The following DIP2C variants were observed in gnomAD, a reference collection of about 807,000 sequenced individuals.
The protein encoded by DIP2C is DIP2 acetate--CoA ligase C (putative).
Under a neutral mutation model 192.4 loss-of-function variants are expected in DIP2C, and 33 were observed. The observed-to-expected ratio is 0.17, with a 90% CI of 0.13 to 0.23. DIP2C has a LOEUF of 0.23. DIP2C is among the 10% of genes least tolerant of loss of function. The pLI, the probability that DIP2C is intolerant of heterozygous loss-of-function variation, is 1.00. For synonymous variants in DIP2C, 979 were observed against 864.1 expected (o/e 1.13, Z -2.33); for missense variants, 1,537 against 2,110.1 (o/e 0.73, Z 5.32).
intron 32 of DIP2C, 122 bp downstream of exon 32, chr10:309,909 C>G: frequency 3.2e-6 from 3 of 945,198 alleles, no homozygotes; most frequent in Non-Finnish European, 3.2e-6. Context: ...ACTCATGAGA[C>G]AGTTACACTC....
intron 1 of DIP2C, among the ~76,000 whole-genome samples, chr10:510,539 C>T (rs1270010800): frequency 2.0e-5 from 3 of 152,384 alleles, no homozygotes; most frequent in East Asian, 1.9e-4. Context: ...CCGTGCCAGG[C>T]AGGCCTGGGC....
intron 2 of DIP2C, 102 bp from the exon 3 acceptor site, chr10:472,651 T>C: frequency 9.5e-7 from 1 of 1,049,564 alleles, no homozygotes; most frequent in Non-Finnish European, 1.4e-6. Flanking sequence ...AAGCCAGAGC[T>C]ACCCACGGGA....
chr10:636,505 C>T lies in DIP2C; in HGVS notation c.85+52989G>A, dbSNP rs1357571875. 1.3e-5 allele frequency among the ~76,000 whole-genome samples: 2 copies of T among 152,140 alleles called. No homozygotes were observed. Among genetic ancestry groups the T allele is most frequent in the Admixed American group, 6.5e-5 (1 of 15,278 alleles). ...CAGGCTCCTGCCACCTCGCCGAGTC[C>T]TCACGCACGCGTTCCCTAAGAATAA... is the stretch of plus-strand genomic sequence containing the variant. On this transcript the variant is annotated intron_variant, in intron 1 of 36. Transcript: ENST00000280886. The surrounding 1 kb of genome is among the most constrained non-coding windows in gnomAD (Gnocchi z 4.6).
intron 1 of DIP2C, among the ~76,000 whole-genome samples, chr10:552,884 C>T (rs1462694814): frequency 1.3e-5 from 2 of 152,244 alleles, no homozygotes; most frequent in African/African-American, 4.8e-5. Context: ...TCTGCCCTGG[C>T]TCCCGCCATC....
intron 17 of DIP2C, among the ~76,000 whole-genome samples, chr10:378,361 A>G (rs61836785): frequency 0.051 from 7,796 of 152,334 alleles, 288 homozygotes; most frequent in African/African-American, 0.1. Flanking sequence ...ATGAAGGCAC[A>G]CACATCAACA....
At chr10:592,741 T>C (rs79596507) in intron 1 of DIP2C, among the ~76,000 whole-genome samples, 4 of 152,142 alleles carry the variant, frequency 2.6e-5, no homozygotes, top group Non-Finnish European at 4.4e-5. Flanking sequence ...GTGAAATTTT[T>C]CCCAACTGTT....
At chr10:584,931 C>G (rs12253318) in intron 1 of DIP2C, among the ~76,000 whole-genome samples, 1 of 127,744 alleles carries the variant, frequency 7.8e-6, no homozygotes, top group East Asian at 2.7e-4. Flanking sequence ...CCCCCACTCA[C>G]GCGCATCACC....
intron 6 of DIP2C, among the ~76,000 whole-genome samples, chr10:418,527 G>C (rs1471117505): frequency 1.3e-5 from 2 of 152,214 alleles, no homozygotes; most frequent in Non-Finnish European, 2.9e-5. Context: ...AGCCGCTGTA[G>C]TCAGAATATA....
intron 4 of DIP2C, among the ~76,000 whole-genome samples, chr10:436,704 A>C (rs1360315053): frequency 7.9e-6 from 1 of 125,986 alleles, no homozygotes; most frequent in Non-Finnish European, 1.6e-5. Flanking sequence ...TAGGGTGGCC[A>C]TGCTCCACCC....
At chr10:460,688 T>C (rs867144939) in intron 3 of DIP2C, among the ~76,000 whole-genome samples, 1 of 152,094 alleles carries the variant, frequency 6.6e-6, no homozygotes, top group African/African-American at 2.4e-5. Flanking sequence ...CACATTCAAA[T>C]TGAGAAATAC....
At chr10:537,831 G>C (rs7092330) in intron 1 of DIP2C, among the ~76,000 whole-genome samples, 46,269 of 151,288 alleles carry the variant, frequency 0.31, 8,047 homozygotes, top group Non-Finnish European at 0.4. Flanking sequence ...TCGCTCTGTA[G>C]TGCAGGCTGG....
chr10:395,130 TTGGGGGAGGGAGGAGA>T (rs1963877954), intron 10 of DIP2C, among the ~76,000 whole-genome samples: 14 of 63,966 alleles, frequency 2.2e-4, no homozygotes, highest in South Asian at 1.3e-3. Flanking sequence ...GAGGGAGGAG[TTGGGGGAGGGAGGAGA>T]TGGGGGGGAG....
intron 1 of DIP2C, among the ~76,000 whole-genome samples, chr10:499,584 G>T (rs1353854086): frequency 6.6e-6 from 1 of 152,204 alleles, no homozygotes; most frequent in Admixed American, 6.5e-5. Flanking sequence ...ATCTGACAGA[G>T]CAGCCAAGGG....
intron 32 of DIP2C, among the ~76,000 whole-genome samples, chr10:291,857 C>T (rs1296382334): frequency 6.6e-6 from 1 of 152,324 alleles, no homozygotes; most frequent in African/African-American, 2.4e-5. Context: ...GCCTGGCACA[C>T]GAGAGGTGGG....
intron 24 of DIP2C, among the ~76,000 whole-genome samples, chr10:355,577 A>G (rs902742525): frequency 2.0e-5 from 3 of 152,250 alleles, no homozygotes; most frequent in Non-Finnish European, 2.9e-5. Flanking sequence ...AAAAAGTAGT[A>G]ACAAGCATAT....
In DIP2C at chr10:277,571, C is replaced by T. The variant is rs759026230; in HGVS notation, c.4425G>A (p.Val1475=). ...CCACCAACAAATTTGTCCAGGTAAACACAGCACTAAAAGACAGAAAAGAAA... is the reference window on the plus strand; with the variant it reads ...CCACCAACAAATTTGTCCAGGTAAATACAGCACTAAAAGACAGAAAAGAAA... ...RAHKSVTECA[V]FTWTNLLVVV... is the part of the protein sequence containing the mutation. Residue 1475 remains valine (V), a synonymous_variant, in exon 37 of 37, where the codon GTG becomes GTA. Coordinates refer to ENST00000280886, the MANE Select transcript of DIP2C (RefSeq NM_014974.3). 5.0e-6 allele frequency: 8 copies of T among 1,613,974 alleles called. No individual in the cohort carries two copies. In the South Asian group the frequency reaches 5.5e-5, roughly 11 times the overall value.
At chr10:509,176 G>A (rs1845840058) in intron 1 of DIP2C, among the ~76,000 whole-genome samples, 1 of 152,094 alleles carries the variant, frequency 6.6e-6, no homozygotes, top group Non-Finnish European at 1.5e-5. Flanking sequence ...TAGACTGACT[G>A]TAATTCCCTG....
At chr10:650,525 T>TC in intron 1 of DIP2C, 2 of 679,104 alleles carry the variant, frequency 2.9e-6, no homozygotes, top group South Asian at 3.2e-5. Context: ...CCCCAGCTGG[T>TC]CCCCCCATGA....
chr10:306,143 A>G (rs914059167), intron 32 of DIP2C, among the ~76,000 whole-genome samples: 1 of 152,114 alleles, frequency 6.6e-6, no homozygotes, highest in Non-Finnish European at 1.5e-5. Context: ...AAATAGTCTC[A>G]ACACAATTTC....
Sources: allele counts gnomAD v4.1 joint callset (sites outside exome capture counted in the v4.1 genomes callset), GRCh38; gene constraint gnomAD v4.1.1; non-coding constraint Gnocchi (gnomAD v3.1); transcripts MANE v1.5; gene names NCBI Gene and HGNC (gene_info 2026-07-23, HGNC 2026-07-21).